The following TMPRSS9 variants were observed in gnomAD, a reference collection of about 807,000 sequenced individuals.
TMPRSS9 encodes transmembrane serine protease 9.
Under a neutral mutation model 111.4 loss-of-function variants are expected in TMPRSS9, and 113 were observed. That is an observed-to-expected ratio of 1.01 (90% CI 0.87 to 1.19). The LOEUF is 1.19. Ranked by LOEUF, TMPRSS9 falls within the 50% of genes most tolerant of loss-of-function variation. The pLI is 0.00. For missense variants in TMPRSS9, 1,803 were observed against 1,513.1 expected, an observed-to-expected ratio of 1.19 and a Z score of -3.18; for synonymous variants, 805 against 659.1, an observed-to-expected ratio of 1.22 and a Z score of -3.39.
At chr19:2,394,309 C>T (rs1970663142) in intron 1 of TMPRSS9, among the ~76,000 whole-genome samples, 1 of 151,992 alleles carries the variant, frequency 6.6e-6, no homozygotes, top group South Asian at 2.1e-4. Flanking sequence ...ATCACCTGAG[C>T]CCATGAGGTC....
intron 1 of TMPRSS9, among the ~76,000 whole-genome samples, chr19:2,360,767 A>T (rs1351069984): frequency 6.6e-6 from 1 of 150,956 alleles, no homozygotes; most frequent in Non-Finnish European, 1.5e-5. Context: ...GGTTGTGTGG[A>T]CTCAGGTGTG....
exon 7 of TMPRSS9, chr19:2,405,474 C>T: frequency 6.2e-7 from 1 of 1,608,482 alleles, no homozygotes; most frequent in Non-Finnish European, 8.5e-7. Context: ...TTCGAGAGAA[C>T]AAGGAGCACT....
At chr19:2,398,763 C>G (rs1970762014) in intron 2 of TMPRSS9, 32 bp from the exon 4 acceptor site, 1 of 1,381,084 alleles carries the variant, frequency 7.2e-7, no homozygotes, top group Non-Finnish European at 9.5e-7. Flanking sequence ...TGCTGTGGGT[C>G]TCAACATTTG....
At chr19:2,408,623 G>A (rs1356821124) in exon 8 of TMPRSS9, 4 of 1,610,406 alleles carry the variant, frequency 2.5e-6, no homozygotes, top group Non-Finnish European at 3.4e-6. Context: ...ACCTCAAGGA[G>A]GACTTCCGTA....
At position 2,422,726 on chromosome 19, in the gene TMPRSS9, AAAAT is replaced by A. The variant is rs545947904; in HGVS notation, c.2548+487_2548+490del. ...CATGGTGAAACCCCATCTCTACAAA[AAAAT>A]AAATAAAAAAAGCCAGGCATGGTGA... On this transcript the variant is annotated intron_variant, in intron 14 of 17. Transcript: ENST00000648592. 1.2e-4 allele frequency among the ~76,000 whole-genome samples: 18 copies of A among 152,320 alleles called. No individual in the cohort carries two copies. In the East Asian group the frequency reaches 1.7e-3, roughly 15 times the overall value.
upstream of TMPRSS9, among the ~76,000 whole-genome samples, chr19:2,389,598 C>T (rs567262783): frequency 6.6e-6 from 1 of 151,870 alleles, no homozygotes; most frequent in Non-Finnish European, 1.5e-5. Context: ...GAATTCCCGA[C>T]CTCAAATCGT....
chr19:2,390,405 G>A (rs549711536), intron 1 of TMPRSS9, among the ~76,000 whole-genome samples: 268 of 148,230 alleles, frequency 1.8e-3, no homozygotes, highest in South Asian at 4.7e-3. Flanking sequence ...CACCACCCCC[G>A]GCTAATTTTT....
At chr19:2,408,218 T>C in intron 7 of TMPRSS9, 138 bp from the exon 9 acceptor site, 1 of 887,296 alleles carries the variant, frequency 1.1e-6, no homozygotes. Context: ...GTGTCTGGCC[T>C]GATTTTTATA....
chr19:2,361,696 CCCAGGGA>C (rs1970200127), intron 1 of TMPRSS9, among the ~76,000 whole-genome samples: 1 of 152,160 alleles, frequency 6.6e-6, no homozygotes, highest in Non-Finnish European at 1.5e-5. Flanking sequence ...TCCTCTGTGG[CCCAGGGA>C]CCTTCGACTT....
rs572518420 is a variant in TMPRSS9, at chr19:2,402,214, G to A, written c.556+198G>A. ...TTGAGACCAGGCTGGACAACAGAGC[G>A]AGACCCTATCTCTACAAAAATAATA... On this transcript the variant is annotated intron_variant, in intron 5 of 17. Transcript: ENST00000648592. Among the ~76,000 whole-genome samples the A allele has an allele frequency of 1.9e-4, 28 of 150,530 alleles. 1 individual carries two copies. The highest frequency in any genetic ancestry group is 3.5e-3 in the Middle Eastern group (1 of 286).
chr19:2,368,549 A>G (rs957658620), intron 1 of TMPRSS9, among the ~76,000 whole-genome samples: 1 of 151,926 alleles, frequency 6.6e-6, no homozygotes, highest in Non-Finnish European at 1.5e-5. Flanking sequence ...CAGAGGTGGG[A>G]TGTCACCTGA....
At chr19:2,408,990 AAATAATAATAATAATAAT>A (rs71178274) in intron 8 of TMPRSS9, among the ~76,000 whole-genome samples, 1 of 125,008 alleles carries the variant, frequency 8.0e-6, no homozygotes, top group Non-Finnish European at 1.6e-5. Context: ...CTCCATCTCA[AAATAATAATAATAATAAT>A]AATAATAATA....
Position 2,424,353 on chromosome 19 carries a change from C to T in TMPRSS9, c.2717+96C>T, listed in dbSNP as rs924288899. 339 of 1,224,812 alleles carry T rather than the reference C, an allele frequency of 2.8e-4. 2 individuals carry two copies. Among genetic ancestry groups the T allele is most frequent in the Admixed American group, 1.2e-4 (3 of 24,052 alleles). The allele number at this position is 1,224,812 out of a possible 1,614,324, so 75.9% of individuals were successfully genotyped here. On this transcript the variant is annotated intron_variant, in intron 15 of 17. Coordinates refer to ENST00000648592, the Ensembl canonical transcript of TMPRSS9. ...AACGCACCCTGACCCCCTCCTTTGC[C>T]GGGAGTGCCCTCCCCAACCCCGGCT...
rs559770122 is a variant in TMPRSS9 at position 2,417,934 on chromosome 19, T to C, written c.2018-68T>C. 4.3e-5 allele frequency: 68 copies of C among 1,592,110 alleles called. No homozygotes were observed. The South Asian group carries it at 6.4e-4, about 15-fold the overall frequency. ...GGGATGCTGCATCTCGGGGCTGTTA[T>C]CGGAGCGGAACTGGAGCTGCTCTGA... On this transcript the variant is annotated intron_variant, in intron 12 of 17. Transcript: ENST00000648592.
chr19:2,388,160 G>C (rs1312591753), upstream of TMPRSS9, among the ~76,000 whole-genome samples: 5 of 152,240 alleles, frequency 3.3e-5, no homozygotes, highest in East Asian at 9.6e-4. Flanking sequence ...GGGAGGCCCA[G>C]GTGGGAGGAT....
intron 1 of TMPRSS9, among the ~76,000 whole-genome samples, chr19:2,383,990 G>T (rs774427072): frequency 9.2e-5 from 14 of 151,994 alleles, no homozygotes; most frequent in Non-Finnish European, 1.9e-4. Context: ...AGCTCCATGC[G>T]GTGTTCTGTA....
At chr19:2,417,948 G>A in intron 12 of TMPRSS9, 54 bp from the exon 14 acceptor site, 1 of 1,606,942 alleles carries the variant, frequency 6.2e-7, no homozygotes, top group East Asian at 2.2e-5. Context: ...AGCGGAACTG[G>A]AGCTGCTCTG....
At chr19:2,409,344 G>T (rs879615551) in intron 8 of TMPRSS9, among the ~76,000 whole-genome samples, 1 of 151,808 alleles carries the variant, frequency 6.6e-6, no homozygotes, top group African/African-American at 2.4e-5. Flanking sequence ...AAGTTTCACC[G>T]TGTTGGCCGG....
chr19:2,392,827 A>G (rs889400063), intron 1 of TMPRSS9, among the ~76,000 whole-genome samples: 1 of 152,190 alleles, frequency 6.6e-6, no homozygotes, highest in African/African-American at 2.4e-5. Flanking sequence ...AAGTCTAGCT[A>G]AAGGTTTGTA....
Sources: gnomAD v4.1 joint callset for allele counts (sites outside exome capture counted in the v4.1 genomes callset) on GRCh38, gnomAD v4.1.1 for gene constraint, MANE v1.5 for transcripts, NCBI Gene and HGNC (gene_info 2026-07-23, HGNC 2026-07-21) for gene names.